MYRIP: variants seen among roughly 807,000 people sequenced by gnomAD.
MYRIP encodes the protein rab effector MyRIP.
Under a neutral mutation model 98.0 loss-of-function variants are expected in MYRIP, and 49 were observed. That is an observed-to-expected ratio of 0.50 (90% confidence interval 0.40 to 0.63). The LOEUF is 0.63. Ranked by LOEUF, MYRIP falls within the 30% of genes least tolerant of loss-of-function variation. The pLI is 0.00. For missense variants in MYRIP, 1,004 were observed against 1,058.2 expected (o/e 0.95, Z 0.71); for synonymous variants, 404 against 409.5 (o/e 0.99, Z 0.16).
chr3:40,077,675 G>C (rs562462601), intron 3 of MYRIP, among the ~76,000 whole-genome samples: 1 of 152,330 alleles, frequency 6.6e-6, no homozygotes, highest in Non-Finnish European at 1.5e-5. Context: ...CCTTGAGCTA[G>C]ACATAAAGGT....
chr3:39,831,097 T>G (rs1432888122), intron 1 of MYRIP, among the ~76,000 whole-genome samples: 2 of 152,198 alleles, frequency 1.3e-5, no homozygotes, highest in Admixed American at 1.3e-4. Context: ...AAGGATATAC[T>G]CTTGCTTTAC....
intron 3 of MYRIP, among the ~76,000 whole-genome samples, chr3:40,058,838 G>A (rs1023051725): frequency 2.0e-5 from 3 of 151,994 alleles, no homozygotes; most frequent in Non-Finnish European, 4.4e-5. Context: ...GAACGTGCAG[G>A]TTTGTTACAT....
At chr3:39,859,749 T>G (rs1942410651) in intron 1 of MYRIP, among the ~76,000 whole-genome samples, 1 of 152,138 alleles carries the variant, frequency 6.6e-6, no homozygotes, top group Non-Finnish European at 1.5e-5. Flanking sequence ...TGCAAACACA[T>G]TAACAGAATG....
intron 2 of MYRIP, among the ~76,000 whole-genome samples, chr3:39,958,971 A>T (rs1012601109): frequency 2.0e-5 from 3 of 152,156 alleles, no homozygotes; most frequent in African/African-American, 7.2e-5. Flanking sequence ...TCAAAACCGC[A>T]ATGAGATACC....
At chr3:39,996,327 G>A (rs929693152) in intron 2 of MYRIP, among the ~76,000 whole-genome samples, 8 of 152,270 alleles carry the variant, frequency 5.3e-5, no homozygotes, top group African/African-American at 1.9e-4. Context: ...AAAATAAAGG[G>A]ATGGAGGAAG....
chr3:40,017,456 A>G (rs1201179406), intron 2 of MYRIP, among the ~76,000 whole-genome samples: 2 of 152,184 alleles, frequency 1.3e-5, no homozygotes, highest in East Asian at 3.8e-4. Context: ...GCAGCCTGTT[A>G]GTAGACAAGT....
chr3:40,114,916 C>T (rs560336266), intron 3 of MYRIP, among the ~76,000 whole-genome samples: 3 of 152,108 alleles, frequency 2.0e-5, no homozygotes, highest in East Asian at 1.9e-4. Context: ...CACACACGGG[C>T]CTAAAAATAT....
chr3:39,826,006 T>C (rs1242358999), intron 1 of MYRIP, among the ~76,000 whole-genome samples: 2 of 152,122 alleles, frequency 1.3e-5, no homozygotes, highest in Non-Finnish European at 2.9e-5. Context: ...GCCTTTGCAT[T>C]TTGGTGATAT....
intron 2 of MYRIP, among the ~76,000 whole-genome samples, chr3:39,965,590 A>T (rs1945420230): frequency 6.6e-6 from 1 of 152,182 alleles, no homozygotes; most frequent in Non-Finnish European, 1.5e-5. Flanking sequence ...GAATTGGCTT[A>T]TGTAATTTTG....
chr3:39,951,153 G>C (rs1945004110), intron 2 of MYRIP, among the ~76,000 whole-genome samples: 1 of 152,122 alleles, frequency 6.6e-6, no homozygotes, highest in African/African-American at 2.4e-5. Flanking sequence ...GTCTAAATTT[G>C]TTTTACTCAC....
intron 3 of MYRIP, among the ~76,000 whole-genome samples, chr3:40,071,540 A>C (rs1440197131): frequency 6.7e-6 from 1 of 150,128 alleles, no homozygotes; most frequent in Admixed American, 6.7e-5. Context: ...GCAATTGATG[A>C]TTGGGGCACA....
chr3:40,260,251 C>A lies in MYRIP; in HGVS notation c.*2085C>A, dbSNP rs1953723436. 6.6e-6 allele frequency: 1 copy of A among 152,150 alleles called. No individual in the cohort carries two copies. The highest frequency in any genetic ancestry group is 2.1e-4 in the South Asian group (1 of 4,828). 9.4% of individuals were successfully genotyped at this position (152,150 alleles called of 1,614,324 possible). On this transcript the variant is annotated 3_prime_UTR_variant, in exon 17 of 17. Coordinates refer to ENST00000302541, the MANE Select transcript of MYRIP (RefSeq NM_015460.4). Reference sequence around the variant, plus strand: ...GACTTCTGAAAGTTATGCTTCCCTTCATGTTATATGCACATTGCCAAGAAT... The same window carrying A: ...GACTTCTGAAAGTTATGCTTCCCTTAATGTTATATGCACATTGCCAAGAAT...
intron 3 of MYRIP, among the ~76,000 whole-genome samples, chr3:40,097,944 A>G (rs959221523): frequency 6.6e-6 from 1 of 152,218 alleles, no homozygotes; most frequent in African/African-American, 2.4e-5. Context: ...AGTGTTAGAG[A>G]GAGCTGGTGT....
At chr3:39,922,682 G>T (rs1034330458) in intron 2 of MYRIP, among the ~76,000 whole-genome samples, 1 of 152,158 alleles carries the variant, frequency 6.6e-6, no homozygotes, top group Admixed American at 6.5e-5. Context: ...CTGGACTTCT[G>T]ACTCTCTTTG....
chr3:40,071,235 C>T, intron 3 of MYRIP: 4 of 976,778 alleles, frequency 4.1e-6, no homozygotes, highest in Non-Finnish European at 4.9e-6. Context: ...AACTAAGAAT[C>T]TTGCTGGAGT....
chr3:40,186,949 A>G (rs1397140846), intron 9 of MYRIP, among the ~76,000 whole-genome samples: 3 of 152,222 alleles, frequency 2.0e-5, no homozygotes, highest in Admixed American at 2.0e-4. Flanking sequence ...GTAGAACCCA[A>G]TAATAAATGG....
At chr3:39,836,950 A>T (rs1403232517) in intron 1 of MYRIP, among the ~76,000 whole-genome samples, 1 of 152,198 alleles carries the variant, frequency 6.6e-6, no homozygotes, top group East Asian at 1.9e-4. Context: ...GGTAGGGTAA[A>T]GAGATTTAAC....
intron 3 of MYRIP, among the ~76,000 whole-genome samples, chr3:40,097,526 C>T (rs1363283661): frequency 1.3e-5 from 2 of 152,158 alleles, no homozygotes; most frequent in African/African-American, 4.8e-5. Flanking sequence ...GGAGATATTT[C>T]TGGCTATATA....
rs1333848515 is a variant in MYRIP at position 40,204,067 on chromosome 3, ATAT to A, written c.1666-5783_1666-5781del. Among the ~76,000 whole-genome samples the A allele has an allele frequency of 1.4e-3, 9 of 6,544 alleles. 2 individuals carry two copies. Among genetic ancestry groups the A allele is most frequent in the Admixed American group, 0.01 (2 of 198 alleles). 4.3% of individuals were successfully genotyped at this position (6,544 alleles called of 152,430 possible). On this transcript the variant is annotated intron_variant, in intron 10 of 16. Transcript: ENST00000302541. ...TATATAATATATTTATATATAATAA[ATAT>A]TATATAATATATTTATATATTATAT...
Sources: allele counts gnomAD v4.1 joint callset (sites outside exome capture counted in the v4.1 genomes callset), GRCh38; gene constraint gnomAD v4.1.1; transcripts MANE v1.5; gene names NCBI Gene and HGNC (gene_info 2026-07-23, HGNC 2026-07-21).